Variants in DISP1 observed in about 807,000 individuals in gnomAD.
DISP1 encodes protein dispatched homolog 1.
DISP1 carries 30 observed loss-of-function variants against 37.3 expected under a neutral mutation model. That is an observed-to-expected ratio of 0.80 (90% CI 0.60 to 1.09). DISP1 has a LOEUF of 1.09. Among genes scored for constraint, DISP1 ranks in the 50% least tolerant of loss-of-function variants. The probability of loss-of-function intolerance (pLI) is 0.00; values close to 1 mark genes in which losing one functional copy is unlikely to be tolerated. For missense variants in DISP1, 1,598 were observed against 1,879.5 expected (o/e 0.85, Z 2.77); for synonymous variants, 634 against 690.2 (o/e 0.92, Z 1.28).
intron 1 of DISP1, among the ~76,000 whole-genome samples, chr1:222,838,502 C>T (rs1407975332): frequency 1.3e-5 from 2 of 151,904 alleles, no homozygotes; most frequent in Non-Finnish European, 2.9e-5. Flanking sequence ...GGCATGGTGG[C>T]TTATGCTTTT....
rs750108742 is a variant in DISP1, at chr1:222,991,619, T to G, written c.763T>G (p.Phe255Val). Residue 255 changes from phenylalanine (F) to valine (V), a missense_variant, in exon 6 of 9, where the codon TTT becomes GTT. By Grantham distance (50) the Phe-to-Val change is conservative. Transcript: ENST00000675850. ...GYKATLANYP[F>V]KYADEQAKSH... The stretch of plus-strand genomic sequence containing the variant: ...CAAAGCAACATTAGCAAATTATCCC[T>G]TTAAATATGCAGATGAACAAGCCAA... 6.2e-7 allele frequency: 1 copy of G among 1,613,580 alleles called. No homozygotes were observed. The highest frequency in any genetic ancestry group is 1.7e-5 in the Admixed American group (1 of 60,018).
intron 1 of DISP1, among the ~76,000 whole-genome samples, chr1:222,897,527 A>G (rs1302379869): frequency 6.6e-6 from 1 of 152,192 alleles, no homozygotes; most frequent in Non-Finnish European, 1.5e-5. Context: ...AAAATAATGA[A>G]AAATATTGTT....
chr1:222,824,978 A>C (rs1212182011), intron 1 of DISP1, among the ~76,000 whole-genome samples: 12 of 152,194 alleles, frequency 7.9e-5, no homozygotes, highest in Admixed American at 7.9e-4. Context: ...AGACAGTTTC[A>C]TTCTTTTTAA....
chr1:222,990,410 T>C (rs944960331), intron 4 of DISP1, among the ~76,000 whole-genome samples: 8 of 152,240 alleles, frequency 5.3e-5, no homozygotes, highest in Non-Finnish European at 1.0e-4. Flanking sequence ...GAGGGGACAA[T>C]GATCTTGTAA....
At chr1:222,904,043 A>G (rs765676260) in intron 1 of DISP1, among the ~76,000 whole-genome samples, 1 of 152,206 alleles carries the variant, frequency 6.6e-6, no homozygotes, top group Non-Finnish European at 1.5e-5. Flanking sequence ...CTGCCATTCA[A>G]ATTCCTTTTA....
intron 2 of DISP1, among the ~76,000 whole-genome samples, chr1:222,941,724 A>G (rs2125490103): frequency 6.6e-6 from 1 of 152,258 alleles, no homozygotes; most frequent in African/African-American, 2.4e-5. Context: ...ACTGAAAAAG[A>G]TGATTTCTTC....
intron 1 of DISP1, among the ~76,000 whole-genome samples, chr1:222,851,958 G>A (rs2125310891): frequency 6.6e-6 from 1 of 152,208 alleles, no homozygotes; most frequent in Admixed American, 6.5e-5. Flanking sequence ...GCTGAGGCGG[G>A]CGAATCACCT....
At chr1:222,963,564 A>C (rs1488633125) in intron 3 of DISP1, among the ~76,000 whole-genome samples, 1 of 152,206 alleles carries the variant, frequency 6.6e-6, no homozygotes, top group Non-Finnish European at 1.5e-5. Flanking sequence ...GTACATATAC[A>C]CCATGGAATA....
At chr1:222,855,310 G>A (rs1474703038) in intron 1 of DISP1, among the ~76,000 whole-genome samples, 18 of 152,132 alleles carry the variant, frequency 1.2e-4, no homozygotes, top group Non-Finnish European at 8.8e-5. Flanking sequence ...TGAGTTCCAG[G>A]CGTTGGGAAC....
intron 4 of DISP1, among the ~76,000 whole-genome samples, chr1:222,984,661 A>G (rs1434935677): frequency 4.0e-5 from 6 of 151,838 alleles, no homozygotes; most frequent in African/African-American, 7.3e-5. Context: ...CCTTTTAACT[A>G]TTTTTAAGAG....
chr1:223,004,306 A>G lies in DISP1; in HGVS notation c.2909A>G (p.Asn970Ser), dbSNP rs113641550. Reference sequence around the variant, plus strand: ...CTCAGCAATGGTTGGTTTGTCAGCAATCTGGAGTTCTATGACCTCCAGGAT... The same window carrying G: ...CTCAGCAATGGTTGGTTTGTCAGCAGTCTGGAGTTCTATGACCTCCAGGAT... Reference protein sequence around the residue: ...EGLSNGWFVSNLEFYDLQDSL... With the variant: ...EGLSNGWFVSSLEFYDLQDSL... Residue 970 changes from asparagine to serine, a missense_variant, in exon 9 of 9, where the codon AAT becomes AGT. By Grantham distance (46) the Asn-to-Ser change is conservative (BLOSUM62 1). Transcript: ENST00000675850. The surrounding 1 kb of genome is among the most constrained non-coding windows in gnomAD (Gnocchi z 4.9). The G allele has an allele frequency of 5.0e-6, 8 of 1,614,146 alleles. No individual in the cohort carries two copies. Among genetic ancestry groups the G allele is most frequent in the Non-Finnish European group, 5.9e-6 (7 of 1,180,018 alleles).
Position 223,002,783 on chromosome 1 carries a change from G to T in DISP1, c.1386G>T (p.Glu462Asp), listed in dbSNP as rs1490255117. The change falls in exon 9 of 9, where the codon GAG becomes GAT. Residue 462 changes from glutamate to aspartate, a missense_variant. By Grantham distance (45) the Glu-to-Asp change is conservative (BLOSUM62 2). Coordinates refer to ENST00000675850, the MANE Select transcript of DISP1 (RefSeq NM_001377229.1). ...SMLFSPTEKG[E>D]SMMNIYLDNF... is the part of the protein sequence containing the mutation. ...TCTTCTCTCCCACAGAGAAAGGGGA[G>T]AGCATGATGAACATTTACTTGGACA... 1 of 1,614,148 alleles carries T rather than the reference G, an allele frequency of 6.2e-7. No individual in the cohort carries two copies. Among genetic ancestry groups the T allele is most frequent in the East Asian group, 2.2e-5 (1 of 44,866 alleles).
At chr1:222,991,228 T>A (rs1678674607) in intron 5 of DISP1, among the ~76,000 whole-genome samples, 1 of 152,246 alleles carries the variant, frequency 6.6e-6, no homozygotes, top group Non-Finnish European at 1.5e-5. Flanking sequence ...ATAATTTTTA[T>A]AAGATAAAAG....
At position 223,002,506 on chromosome 1, in the gene DISP1, T is replaced by C. The variant is rs1312667624; in HGVS notation, c.1109T>C (p.Ile370Thr). ...AACAATAGATCGTCCTGTCAGAAAA[T>C]AGTTGAGCGAGACGTTTCTCATACC... Reference protein sequence around the residue: ...ILNNRSSCQKIVERDVSHTLK... With the variant: ...ILNNRSSCQKTVERDVSHTLK... Residue 370 changes from isoleucine to threonine, a missense_variant, in exon 9 of 9, where the codon ATA becomes ACA. By Grantham distance (89) the Ile-to-Thr change is moderately conservative (BLOSUM62 -1). Coordinates refer to ENST00000675850, the MANE Select transcript of DISP1 (RefSeq NM_001377229.1). The C allele has an allele frequency of 1.2e-6, 2 of 1,613,880 alleles. No homozygotes were observed. The highest frequency in any genetic ancestry group is 1.3e-5 in the African/African-American group (1 of 74,834).
intron 2 of DISP1, among the ~76,000 whole-genome samples, chr1:222,937,400 C>T (rs1304368550): frequency 6.6e-6 from 1 of 151,942 alleles, no homozygotes; most frequent in Non-Finnish European, 1.5e-5. Flanking sequence ...CCTCTCTATA[C>T]TTCAATATAT....
At chr1:222,952,748 G>A (rs151088897) in intron 3 of DISP1, among the ~76,000 whole-genome samples, 2,837 of 152,256 alleles carry the variant, frequency 0.019, 83 homozygotes, top group African/African-American at 0.065. Context: ...TACTCAGGAG[G>A]CTGAGGCCGG....
chr1:222,867,306 T>C (rs1390379718), intron 1 of DISP1, among the ~76,000 whole-genome samples: 1 of 152,202 alleles, frequency 6.6e-6, no homozygotes. Context: ...GCCAAACATA[T>C]ATAATAATGA....
chr1:222,911,170 A>G (rs1473704637), intron 1 of DISP1, among the ~76,000 whole-genome samples: 1 of 152,022 alleles, frequency 6.6e-6, no homozygotes, highest in African/African-American at 2.4e-5. Flanking sequence ...GAAAGGCTCT[A>G]CCTCTTTGTA....
intron 3 of DISP1, among the ~76,000 whole-genome samples, chr1:222,950,295 A>G (rs1399066583): frequency 6.6e-6 from 1 of 152,114 alleles, no homozygotes; most frequent in African/African-American, 2.4e-5. Context: ...AAGCTTTAAA[A>G]TATTTCTTAA....
Sources: allele counts gnomAD v4.1 joint callset (sites outside exome capture counted in the v4.1 genomes callset), GRCh38; gene constraint gnomAD v4.1.1; non-coding constraint Gnocchi (gnomAD v3.1); transcripts MANE v1.5; gene names NCBI Gene and HGNC (gene_info 2026-07-23, HGNC 2026-07-21).